The following CDH1 variants were observed in gnomAD, a reference collection of about 807,000 sequenced individuals.
The protein encoded by CDH1 is cadherin 1.
CDH1 carries 35 observed loss-of-function variants against 84.5 expected under a neutral mutation model. The observed-to-expected ratio is 0.41, with a 90% CI of 0.32 to 0.55. CDH1 has a LOEUF of 0.55. Ranked by LOEUF, CDH1 falls within the 20% of genes least tolerant of loss-of-function variation. CDH1 has a pLI of 0.19. For missense variants in CDH1, 994 were observed against 1,126.6 expected, an observed-to-expected ratio of 0.88 and a Z score of 1.68; for synonymous variants, 417 against 439.0, an observed-to-expected ratio of 0.95 and a Z score of 0.63.
intron 2 of CDH1, among the ~76,000 whole-genome samples, chr16:68,793,930 CA>C (rs35590027): frequency 0.44 from 38,382 of 86,472 alleles, 5,493 homozygotes; most frequent in African/African-American, 0.55. Flanking sequence ...GACTCTGTCT[CA>C]AAAAAAAAAA....
At position 68,834,250 on chromosome 16, in the gene CDH1, G is replaced by A. The variant is rs1295754385; in HGVS notation, c.*751G>A. 1 of 509,706 alleles carries A rather than the reference G, an allele frequency of 2.0e-6. No homozygotes were observed. Among genetic ancestry groups the A allele is most frequent in the Non-Finnish European group, 3.9e-6 (1 of 259,626 alleles). 31.6% of individuals were successfully genotyped at this position (509,706 alleles called of 1,614,324 possible). ...ATTACAGACATGAGCCACTGCACCT[G>A]CCCAGCTCCCCAACTCCCTGCCATT... is the stretch of plus-strand genomic sequence containing the variant. On this transcript the variant is annotated 3_prime_UTR_variant, in exon 16 of 16. Transcript: ENST00000261769.
At chr16:68,773,340 A>G (rs982493687) in intron 2 of CDH1, among the ~76,000 whole-genome samples, 7 of 143,916 alleles carry the variant, frequency 4.9e-5, no homozygotes, top group Non-Finnish European at 1.0e-4. Context: ...TCTGTCACCC[A>G]GGCTGGAATG....
At chr16:68,754,616 T>A (rs1962973938) in intron 2 of CDH1, among the ~76,000 whole-genome samples, 1 of 152,122 alleles carries the variant, frequency 6.6e-6, no homozygotes, top group African/African-American at 2.4e-5. Flanking sequence ...GTGCTCTTTA[T>A]AGCAGGAAAA....
chr16:68,776,938 T>C (rs542118769), intron 2 of CDH1, among the ~76,000 whole-genome samples: 1 of 152,288 alleles, frequency 6.6e-6, no homozygotes, highest in East Asian at 1.9e-4. Flanking sequence ...TGACTTAACC[T>C]CAAGTATGTC....
chr16:68,812,211 T>A lies in CDH1; in HGVS notation c.1085T>A (p.Val362Glu), dbSNP rs1198506273. The change falls in exon 8 of 16, where the codon GTG becomes GAG. Residue 362 changes from valine to glutamate, a missense_variant. This residue lies in a region of CDH1 where 769 missense variants were observed against 881.8 expected (regional missense o/e 0.87). Transcript: ENST00000261769. ...GGGTTAAGCACAACAGCAACAGCTG[T>A]GATCACAGTCACTGACACCAACGAT... Reference protein sequence around the residue: ...GEGLSTTATAVITVTDTNDNP... With the variant: ...GEGLSTTATAEITVTDTNDNP... The A allele has an allele frequency of 6.2e-7, 1 of 1,614,174 alleles. No homozygotes were observed. Among genetic ancestry groups the A allele is most frequent in the East Asian group, 2.2e-5 (1 of 44,882 alleles).
At position 68,796,169 on chromosome 16, in the gene CDH1, C is replaced by CA. The variant is rs766882118; in HGVS notation, c.164-5491dup. 6.1e-3 allele frequency among the ~76,000 whole-genome samples: 887 copies of CA among 146,190 alleles called. 9 individuals are homozygous for CA. The highest frequency in any genetic ancestry group is 0.02 in the African/African-American group (794 of 39,964). On this transcript the variant is annotated intron_variant, in intron 2 of 15. Transcript: ENST00000261769. ...CAGTGCGAGACTCTGTCTTTAAAAACAAAAAAAAAAGAATTGCTAAATGCA... is the reference window on the plus strand; with the variant it reads ...CAGTGCGAGACTCTGTCTTTAAAAACAAAAAAAAAAAGAATTGCTAAATGCA...
At chr16:68,809,606 G>T (rs1960763635) in intron 5 of CDH1, among the ~76,000 whole-genome samples, 1 of 152,106 alleles carries the variant, frequency 6.6e-6, no homozygotes, top group South Asian at 2.1e-4. Flanking sequence ...GCTCACTGCA[G>T]CCTGGACCTT....
At position 68,753,581 on chromosome 16, in the gene CDH1, C is replaced by T. The variant is rs185154352; in HGVS notation, c.163+15170C>T. Among the ~76,000 whole-genome samples the T allele has an allele frequency of 9.9e-4, 151 of 152,094 alleles. 1 individual carries two copies. The East Asian group carries it at 0.026, about 26-fold the overall frequency. On this transcript the variant is annotated intron_variant, in intron 2 of 15. Coordinates refer to ENST00000261769, the MANE Select transcript of CDH1 (RefSeq NM_004360.5). ...CTCAATATCCTGACCTCGTGATCTG[C>T]CCTCCTCGGCCTCCCAAAGTGCTGG...
At chr16:68,785,286 G>C (rs551780755) in intron 2 of CDH1, among the ~76,000 whole-genome samples, 9 of 152,100 alleles carry the variant, frequency 5.9e-5, no homozygotes, top group Non-Finnish European at 8.8e-5. Context: ...CTGCCTCCCA[G>C]AATCAAGCGA....
intron 2 of CDH1, among the ~76,000 whole-genome samples, chr16:68,778,991 G>A (rs1959804492): frequency 6.6e-6 from 1 of 152,100 alleles, no homozygotes; most frequent in Non-Finnish European, 1.5e-5. Context: ...GCAAATTAAG[G>A]CCTTTGGGAA....
chr16:68,738,572 C>A (rs900088769), intron 2 of CDH1, among the ~76,000 whole-genome samples, 161 bp downstream of exon 2: 1 of 152,184 alleles, frequency 6.6e-6, no homozygotes, highest in Non-Finnish European at 1.5e-5. Flanking sequence ...CAAACGTTTA[C>A]GACTGAACAC....
chr16:68,823,089 A>G lies in CDH1; in HGVS notation c.1937-310A>G, dbSNP rs375277055. 1.1e-4 allele frequency: 40 copies of G among 348,448 alleles called. 1 individual carries two copies. Among genetic ancestry groups the G allele is most frequent in the African/African-American group, 7.3e-4 (34 of 46,570 alleles). The allele number at this position is 348,448 out of a possible 1,614,324, so 21.6% of individuals were successfully genotyped here. Reference sequence around the variant, plus strand: ...GGGCTGGGCAAAAAGGTTCACCCTCAGGCACACGGGAGCCTACCGAACCCA... The same window carrying G: ...GGGCTGGGCAAAAAGGTTCACCCTCGGGCACACGGGAGCCTACCGAACCCA... On this transcript the variant is annotated intron_variant, in intron 12 of 15. Coordinates refer to ENST00000261769, the MANE Select transcript of CDH1 (RefSeq NM_004360.5).
At chr16:68,825,854 G>A (rs541564732) in intron 13 of CDH1, among the ~76,000 whole-genome samples, 2 of 139,516 alleles carry the variant, frequency 1.4e-5, no homozygotes, top group African/African-American at 2.9e-5. Context: ...CTGTGGGCCC[G>A]GCTGGAGTGC....
intron 2 of CDH1, among the ~76,000 whole-genome samples, chr16:68,762,949 A>G (rs955108542): frequency 1.5e-4 from 22 of 145,748 alleles, no homozygotes; most frequent in African/African-American, 5.0e-4. Context: ...AAAAAGCCCC[A>G]AACCAGCTGA....
intron 2 of CDH1, among the ~76,000 whole-genome samples, chr16:68,755,147 T>C (rs1318534131): frequency 6.6e-6 from 1 of 151,812 alleles, no homozygotes; most frequent in Non-Finnish European, 1.5e-5. Context: ...TGTAGTGGCA[T>C]ATGCTTGTAG....
At position 68,828,193 on chromosome 16, in the gene CDH1, G is replaced by A. The variant is rs1961373863; in HGVS notation, c.2184G>A (p.Leu728=). 6.2e-7 allele frequency: 1 copy of A among 1,613,862 alleles called. No homozygotes were observed. The highest frequency in any genetic ancestry group is 1.3e-5 in the African/African-American group (1 of 74,984). The change falls in exon 14 of 16, where the codon TTG becomes TTA. Residue 728 remains leucine, a synonymous_variant. Transcript: ENST00000261769. ...LALLILILLL[L]LFLRRRAVVK... Reference sequence around the variant, plus strand: ...TCCCAGTTCTGATTCTGCTGCTCTTGCTGTTTCTTCGGAGGAGAGCGGTGG... The same window carrying A: ...TCCCAGTTCTGATTCTGCTGCTCTTACTGTTTCTTCGGAGGAGAGCGGTGG...
At chr16:68,754,051 G>T (rs1458787539) in intron 2 of CDH1, among the ~76,000 whole-genome samples, 1 of 150,592 alleles carries the variant, frequency 6.6e-6, no homozygotes, top group Non-Finnish European at 1.5e-5. Context: ...CCTGGGAGGT[G>T]GAGCTTGCAG....
Position 68,753,170 on chromosome 16 carries a change from G to A in CDH1, c.163+14759G>A, listed in dbSNP as rs141156600. 6.1e-3 allele frequency among the ~76,000 whole-genome samples: 758 copies of A among 125,032 alleles called. 9 individuals are homozygous for A. Among genetic ancestry groups the A allele is most frequent in the African/African-American group, 0.023 (725 of 31,836 alleles). The allele number at this position is 125,032 out of a possible 152,430, so 82.0% of individuals were successfully genotyped here. Reference sequence around the variant, plus strand: ...GGAGGTTGCAGTAAGCTGAGATCGCGCCACTGCACTCCAGCCTGGGCGACA... The same window carrying A: ...GGAGGTTGCAGTAAGCTGAGATCGCACCACTGCACTCCAGCCTGGGCGACA... On this transcript the variant is annotated intron_variant, in intron 2 of 15. Coordinates refer to ENST00000261769, the MANE Select transcript of CDH1 (RefSeq NM_004360.5).
intron 8 of CDH1, 76 bp from the exon 9 acceptor site, chr16:68,813,237 A>G: frequency 1.4e-6 from 2 of 1,429,184 alleles, no homozygotes; most frequent in African/African-American, 1.4e-5. Flanking sequence ...AAAAAGAGGA[A>G]TCCTTTAGCC....
Sources: allele counts gnomAD v4.1 joint callset (sites outside exome capture counted in the v4.1 genomes callset), GRCh38; gene constraint gnomAD v4.1.1; regional missense constraint gnomAD v4.1.1; transcripts MANE v1.5; gene names NCBI Gene and HGNC (gene_info 2026-07-23, HGNC 2026-07-21).